The following ITIH1 variants were observed in gnomAD, a reference collection of about 807,000 sequenced individuals.
ITIH1 encodes inter-alpha-trypsin inhibitor heavy chain H1.
Under a neutral mutation model 104.6 loss-of-function variants are expected in ITIH1, and 94 were observed. The ratio of observed to expected loss-of-function variants is 0.90; its 90% CI spans 0.76 to 1.07. ITIH1 has a LOEUF of 1.07. Ranked by LOEUF, ITIH1 falls within the 50% of genes least tolerant of loss-of-function variation. The probability of loss-of-function intolerance (pLI) is 0.00; values close to 1 mark genes in which losing one functional copy is unlikely to be tolerated. For missense variants in ITIH1, 1,193 were observed against 1,181.4 expected, an observed-to-expected ratio of 1.01 and a Z score of -0.14; for synonymous variants, 455 against 464.4, an observed-to-expected ratio of 0.98 and a Z score of 0.26.
intron 6 of ITIH1, among the ~76,000 whole-genome samples, chr3:52,781,260 TTCTTCTTCTTCTTCTTCTTCTTCTTCC>T (rs1699044770): frequency 2.3e-5 from 3 of 131,006 alleles, no homozygotes; most frequent in South Asian, 2.5e-4. Flanking sequence ...CTTCTTCTTC[TTCTTCTTCTTCTTCTTCTTCTTCTTCC>T]TCTTCTTCTT....
chr3:52,786,842 A>G, intron 13 of ITIH1, 103 bp from the exon 14 acceptor site: 2 of 356,082 alleles, frequency 5.6e-6, no homozygotes, highest in Non-Finnish European at 8.1e-6. Context: ...TATGTGTCGA[A>G]TGAATGAATG....
At chr3:52,782,392 T>A in intron 8 of ITIH1, 125 bp downstream of exon 8, 1 of 732,542 alleles carries the variant, frequency 1.4e-6, no homozygotes, top group Non-Finnish European at 2.3e-6. Flanking sequence ...CAGAGTGATT[T>A]AACAGGAAAT....
intron 10 of ITIH1, among the ~76,000 whole-genome samples, chr3:52,784,078 A>G (rs1057331648): frequency 2.0e-5 from 3 of 152,142 alleles, no homozygotes; most frequent in Non-Finnish European, 2.9e-5. Context: ...CCTGCTGGTG[A>G]TGGACCCACC....
intron 12 of ITIH1, among the ~76,000 whole-genome samples, chr3:52,785,457 C>T (rs1224232435): frequency 6.6e-6 from 1 of 152,202 alleles, no homozygotes; most frequent in Non-Finnish European, 1.5e-5. Context: ...AGTTGCAGTC[C>T]CTCGGCCCCC....
At chr3:52,783,509 GCTCTATGGTGTAC>G (rs1279267204) in intron 10 of ITIH1, among the ~76,000 whole-genome samples, 170 bp downstream of exon 10, 1 of 152,152 alleles carries the variant, frequency 6.6e-6, no homozygotes, top group Non-Finnish European at 1.5e-5. Context: ...GTCTGAGGGA[GCTCTATGGTGTAC>G]CTCTGTCCTG....
In ITIH1 at chr3:52,787,977, T is replaced by A. The variant is rs71299618; in HGVS notation, c.1925-9T>A. On this transcript the variant is annotated splice_polypyrimidine_tract_variant and intron_variant, in intron 16 of 21. Transcript: ENST00000273283. Reference sequence around the variant, plus strand: ...CCCCGCTTCTAAATGCCACTCCCCCTCCCATCAGCGTTCGTGCTGTCAGCC... The same window carrying A: ...CCCCGCTTCTAAATGCCACTCCCCCACCCATCAGCGTTCGTGCTGTCAGCC... 10 of 647,598 alleles carry A rather than the reference T, an allele frequency of 1.5e-5. No individual in the cohort carries two copies. The highest frequency in any genetic ancestry group is 8.9e-5 in the African/African-American group (5 of 56,322). 40.1% of individuals were successfully genotyped at this position (647,598 alleles called of 1,614,324 possible). A position where few individuals can be genotyped will look rare whatever the true frequency, so the allele number is the denominator to read the frequency against.
At chr3:52,778,319 C>A in intron 2 of ITIH1, 21 bp from the exon 3 acceptor site, 1 of 1,612,726 alleles carries the variant, frequency 6.2e-7, no homozygotes, top group Non-Finnish European at 8.5e-7. Flanking sequence ...CAGGCCACAG[C>A]TCCTTCATGT....
intron 10 of ITIH1, 43 bp downstream of exon 10, chr3:52,783,382 G>A (rs1699114267): frequency 6.3e-7 from 1 of 1,598,692 alleles, no homozygotes; most frequent in East Asian, 2.2e-5. Context: ...TGATCTCCTT[G>A]TCACCCGAGA....
intron 20 of ITIH1, 27 bp downstream of exon 20, chr3:52,790,948 G>GGC: frequency 2.3e-5 from 36 of 1,579,848 alleles, no homozygotes; most frequent in Non-Finnish European, 3.1e-5. Context: ...TGGCAGGGCT[G>GGC]TGGGGAAGGG....
rs199640205 is a variant in ITIH1, at chr3:52,790,848, G to A, written c.2421G>A (p.Ser807=). 6.2e-6 allele frequency: 10 copies of A among 1,612,822 alleles called. No homozygotes were observed. Among genetic ancestry groups the A allele is most frequent in the South Asian group, 3.3e-5 (3 of 90,804 alleles). Residue 807 remains serine, a synonymous_variant, in exon 20 of 22, where the codon TCG becomes TCA. Transcript: ENST00000273283. ...VVLHRVWKGS[S]VHQDFLGFYV... ...TGCACCGAGTGTGGAAGGGGAGCTC[G>A]GTCCACCAGGACTTCCTGGGCTTCT...
rs747431830 is a variant in ITIH1, at chr3:52,780,240, T to TA, written c.574-22dup. On this transcript the variant is annotated intron_variant, in intron 5 of 21. Coordinates refer to ENST00000273283, the MANE Select transcript of ITIH1 (RefSeq NM_002215.4). ...CAAAGCAAGATCCCATCTTTTTTTT[T>TA]AAAAAAATAATTTGCTTCAATGTTG... 3.6e-3 allele frequency: 5,489 copies of TA among 1,523,558 alleles called. 23 individuals carry two copies. Among genetic ancestry groups the TA allele is most frequent in the Middle Eastern group, 4.7e-3 (27 of 5,804 alleles). 94.4% of individuals were successfully genotyped at this position (1,523,558 alleles called of 1,614,324 possible). A position where few individuals can be genotyped will look rare whatever the true frequency, so the allele number is the denominator to read the frequency against.
chr3:52,790,051 G>C (rs1699311970), intron 19 of ITIH1, 197 bp downstream of exon 19: 1 of 608,154 alleles, frequency 1.6e-6, no homozygotes. Flanking sequence ...GGGCCCAGCT[G>C]CATGGCAACT....
At position 52,791,897 on chromosome 3, in the gene ITIH1, C is replaced by T. The variant is rs753938428; in HGVS notation, c.2722C>T (p.Pro908Ser). The T allele has an allele frequency of 1.9e-6, 3 of 1,612,708 alleles. No homozygotes were observed. In the African/African-American group the frequency reaches 4.0e-5, roughly 22 times the overall value. Residue 908 changes from proline to serine, a missense_variant, in exon 22 of 22, where the codon CCC becomes TCC. Transcript: ENST00000273283. ...TGGTGCCTACACTGATTATATCGTC[C>T]CCGACATCTTCTGAGCCCTCTGGCC... Reference protein sequence around the residue: ...IDGAYTDYIVPDIF With the variant: ...IDGAYTDYIVSDIF
Position 52,782,037 on chromosome 3 carries a change from T to C in ITIH1, c.785T>C (p.Val262Ala). 1 of 1,614,132 alleles carries C rather than the reference T, an allele frequency of 6.2e-7. No homozygotes were observed. Among genetic ancestry groups the C allele is most frequent in the East Asian group, 2.2e-5 (1 of 44,870 alleles). Residue 262 changes from valine to alanine, a missense_variant, in exon 7 of 22, where the codon GTC becomes GCC. Val to Ala is a moderately conservative substitution (Grantham distance 64). Transcript: ENST00000273283. ...GGGCACTTCAAGGTGACCTACGATG[T>C]CAGTCGAGACAAGATCTGCGACCTC... The part of the protein sequence containing the change: ...LNGHFKVTYD[V>A]SRDKICDLLV...
At position 52,790,872 on chromosome 3, in the gene ITIH1, C is replaced by T. The variant is rs747950187; in HGVS notation, c.2445C>T (p.Phe815=). 4.0e-5 allele frequency: 65 copies of T among 1,612,506 alleles called. No homozygotes were observed. The South Asian group carries it at 6.4e-4, about 16-fold the overall frequency. Residue 815 remains phenylalanine, a synonymous_variant, in exon 20 of 22, where the codon TTC becomes TTT. Transcript: ENST00000273283. ...CGGTCCACCAGGACTTCCTGGGCTT[C>T]TATGTGCTGGACAGTCATCGGATGT... ...GSSVHQDFLG[F]YVLDSHRMSA... is the part of the protein sequence containing the mutation.
intron 6 of ITIH1, among the ~76,000 whole-genome samples, chr3:52,781,607 G>C (rs1008778904): frequency 6.6e-6 from 1 of 152,026 alleles, no homozygotes; most frequent in African/African-American, 2.4e-5. Context: ...TCTCACCACA[G>C]TATTGTAGTG....
intron 18 of ITIH1, 67 bp from the exon 19 acceptor site, chr3:52,789,586 C>T (rs1011896583): frequency 2.1e-6 from 3 of 1,417,822 alleles, no homozygotes; most frequent in African/African-American, 2.8e-5. Context: ...AGGAAGGAGG[C>T]ATGATCCTGC....
chr3:52,784,993 A>G lies in ITIH1; in HGVS notation c.1408-51A>G, dbSNP rs753092527. Reference sequence around the variant, plus strand: ...ACTCCACTTTGTGGGCAGGCTTCCCATTAGGAGCCCAGGGTGCTCAGCTCT... The same window carrying G: ...ACTCCACTTTGTGGGCAGGCTTCCCGTTAGGAGCCCAGGGTGCTCAGCTCT... On this transcript the variant is annotated intron_variant, in intron 11 of 21. Transcript: ENST00000273283. The G allele has an allele frequency of 3.8e-6, 6 of 1,581,536 alleles. No homozygotes were observed. The African/African-American group carries it at 4.0e-5, about 11-fold the overall frequency.
chr3:52,783,255 T>C lies in ITIH1; in HGVS notation c.1141T>C (p.Leu381=), dbSNP rs1425817034. The C allele has an allele frequency of 6.2e-7, 1 of 1,614,162 alleles. No homozygotes were observed. The highest frequency in any genetic ancestry group is 1.7e-5 in the Admixed American group (1 of 60,020). ...NGGLLRGIEI[L]NQVQESLPEL... ...AGGTTTGCTCCGGGGAATTGAGATC[T>C]TGAACCAAGTTCAGGAAAGCCTCCC... Residue 381 remains leucine (L), a synonymous_variant, in exon 10 of 22, where the codon TTG becomes CTG. Coordinates refer to ENST00000273283, the MANE Select transcript of ITIH1 (RefSeq NM_002215.4).
Sources: gnomAD v4.1 joint callset for allele counts (sites outside exome capture counted in the v4.1 genomes callset) on GRCh38, gnomAD v4.1.1 for gene constraint, MANE v1.5 for transcripts, NCBI Gene and HGNC (gene_info 2026-07-23, HGNC 2026-07-21) for gene names.